The following FNDC3B variants were observed in gnomAD, a reference collection of about 807,000 sequenced individuals.
FNDC3B encodes the protein fibronectin type III domain-containing protein 3B.
Under a neutral mutation model 151.5 loss-of-function variants are expected in FNDC3B, and 12 were observed. That is an observed-to-expected ratio of 0.08 (90% CI 0.05 to 0.13). The LOEUF (loss-of-function observed/expected upper bound fraction) is 0.13, where lower values mean the gene tolerates loss of function less well. Among genes scored for constraint, FNDC3B ranks in the 10% least tolerant of loss-of-function variants. FNDC3B has a pLI of 1.00. For synonymous variants in FNDC3B, 528 were observed against 549.0 expected, an observed-to-expected ratio of 0.96 and a Z score of 0.54; for missense variants, 1,214 against 1,505.3, an observed-to-expected ratio of 0.81 and a Z score of 3.20.
intron 21 of FNDC3B, among the ~76,000 whole-genome samples, chr3:172,348,251 T>C (rs1733700070): frequency 6.6e-6 from 1 of 152,254 alleles, no homozygotes; most frequent in African/African-American, 2.4e-5. Flanking sequence ...TCAAATTCGT[T>C]ATTATAAGTA....
At chr3:172,321,580 GC>G in intron 11 of FNDC3B, 2 of 186,594 alleles carry the variant, frequency 1.1e-5, no homozygotes, top group South Asian at 1.2e-4. Flanking sequence ...TTGCTCTGTT[GC>G]CCAGGCTGGA....
chr3:172,040,483 C>G lies in FNDC3B; in HGVS notation c.-29+712C>G, dbSNP rs929623037. On this transcript the variant is annotated intron_variant, in intron 1 of 25. Coordinates refer to ENST00000415807, the MANE Select transcript of FNDC3B (RefSeq NM_022763.4). This position sits in a 1 kb window ranked among gnomAD's most constrained non-coding sequence, Gnocchi z 6.6. ...ACGCCACGTCCTCCTCCCCGTCCTG[C>G]CCCCCGGGCTCCCCCCGGGCTGGGG... 6 of 151,870 alleles carry G rather than the reference C, an allele frequency of 4.0e-5. No individual in the cohort carries two copies. Among genetic ancestry groups the G allele is most frequent in the Non-Finnish European group, 7.4e-5 (5 of 68,000 alleles). 9.4% of individuals were successfully genotyped at this position (151,870 alleles called of 1,614,324 possible).
chr3:172,129,253 A>AT (rs1720952666), intron 2 of FNDC3B, among the ~76,000 whole-genome samples: 1 of 152,190 alleles, frequency 6.6e-6, no homozygotes, highest in Admixed American at 6.5e-5. Flanking sequence ...AATTACAGGC[A>AT]TGAGCCTCTG....
chr3:172,288,850 T>TTA (rs1289568465), intron 7 of FNDC3B, among the ~76,000 whole-genome samples: 1 of 152,226 alleles, frequency 6.6e-6, no homozygotes, highest in Non-Finnish European at 1.5e-5. Flanking sequence ...CCACCCTGCA[T>TTA]GTCTGGTTCT....
At chr3:172,192,721 C>T (rs1354013265) in intron 3 of FNDC3B, among the ~76,000 whole-genome samples, 2 of 151,986 alleles carry the variant, frequency 1.3e-5, no homozygotes, top group Admixed American at 1.3e-4. Flanking sequence ...TCTCTAATTA[C>T]AGGGCATGAA....
intron 9 of FNDC3B, among the ~76,000 whole-genome samples, chr3:172,303,742 C>G (rs1483310759): frequency 6.6e-6 from 1 of 151,276 alleles, no homozygotes; most frequent in Non-Finnish European, 1.5e-5. Flanking sequence ...AAAAAAATTG[C>G]AGTATTCTTT....
At chr3:172,109,684 A>T (rs1386736226) in intron 1 of FNDC3B, among the ~76,000 whole-genome samples, 1 of 152,164 alleles carries the variant, frequency 6.6e-6, no homozygotes, top group Non-Finnish European at 1.5e-5. Context: ...GAGTGTTTGT[A>T]CATACAGCCT....
chr3:172,252,147 G>C (rs994999519), intron 6 of FNDC3B, among the ~76,000 whole-genome samples: 96 of 152,212 alleles, frequency 6.3e-4, no homozygotes, highest in Admixed American at 3.3e-4. Context: ...TGAATCTCTT[G>C]GGTAGATCAG....
At position 172,159,752 on chromosome 3, in the gene FNDC3B, C is replaced by T. The variant is rs866842860; in HGVS notation, c.187+26206C>T. On this transcript the variant is annotated intron_variant, in intron 3 of 25. Transcript: ENST00000415807. ...TTGATGATCAAAAAAGCCATATGAG[C>T]AAAAGGTTTTGAGAAAAAAGTTAGG... is the stretch of plus-strand genomic sequence containing the variant. Among the ~76,000 whole-genome samples the T allele has an allele frequency of 2.0e-5, 3 of 152,198 alleles. No individual in the cohort carries two copies. The South Asian group carries it at 6.2e-4, about 32-fold the overall frequency.
chr3:172,373,506 G>T (rs1734981564), intron 23 of FNDC3B, among the ~76,000 whole-genome samples: 1 of 152,154 alleles, frequency 6.6e-6, no homozygotes, highest in Non-Finnish European at 1.5e-5. Context: ...ATCCTTATCT[G>T]CATTTAAAAT....
intron 10 of FNDC3B, among the ~76,000 whole-genome samples, chr3:172,308,904 G>T (rs1051480060): frequency 4.6e-5 from 7 of 152,054 alleles, no homozygotes; most frequent in African/African-American, 1.4e-4. Context: ...ATTTTGTTTG[G>T]AAAATATAAG....
intron 11 of FNDC3B, among the ~76,000 whole-genome samples, chr3:172,318,116 C>T (rs1456451023): frequency 6.6e-6 from 1 of 152,226 alleles, no homozygotes; most frequent in Non-Finnish European, 1.5e-5. Context: ...AGGAAGTTCA[C>T]ATTTGGTTTC....
intron 3 of FNDC3B, among the ~76,000 whole-genome samples, chr3:172,179,281 C>G (rs900577241): frequency 5.3e-5 from 8 of 152,156 alleles, no homozygotes; most frequent in Admixed American, 3.3e-4. Context: ...AGGCTGGTCT[C>G]GAACTCCTGA....
At chr3:172,276,934 A>G (rs530763523) in intron 6 of FNDC3B, among the ~76,000 whole-genome samples, 1 of 152,352 alleles carries the variant, frequency 6.6e-6, no homozygotes, top group Admixed American at 6.5e-5. Context: ...GAGAAAAAAA[A>G]TTAAAGATGT....
chr3:172,392,202 G>C (rs1333277002), intron 25 of FNDC3B, among the ~76,000 whole-genome samples: 2 of 152,200 alleles, frequency 1.3e-5, no homozygotes, highest in African/African-American at 4.8e-5. Flanking sequence ...AGGACCGTAA[G>C]GGGTTTGCTT....
chr3:172,055,811 T>C (rs1189981873), intron 1 of FNDC3B, among the ~76,000 whole-genome samples: 5 of 151,772 alleles, frequency 3.3e-5, no homozygotes, highest in South Asian at 2.1e-4. Flanking sequence ...GACGGAGTCT[T>C]GTTCTGTCGC....
At chr3:172,229,084 AACACACACACACACACACAC>A (rs760446690) in intron 4 of FNDC3B, among the ~76,000 whole-genome samples, 197 of 117,856 alleles carry the variant, frequency 1.7e-3, no homozygotes, top group African/African-American at 3.2e-3. Context: ...GAAAGAAAGA[AACACACACACACACACACAC>A]ACACACACAC....
chr3:172,134,268 A>C, intron 3 of FNDC3B: 1 of 472,424 alleles, frequency 2.1e-6, no homozygotes, highest in Non-Finnish European at 4.3e-6. Flanking sequence ...TGTATAGTTC[A>C]CTTGGAAATA....
At chr3:172,185,409 G>A (rs1048491574) in intron 3 of FNDC3B, among the ~76,000 whole-genome samples, 5 of 152,074 alleles carry the variant, frequency 3.3e-5, no homozygotes, top group Admixed American at 2.6e-4. Flanking sequence ...GTGCATGGCC[G>A]CACCTCTGAA....
Sources: allele counts gnomAD v4.1 joint callset (sites outside exome capture counted in the v4.1 genomes callset), GRCh38; gene constraint gnomAD v4.1.1; non-coding constraint Gnocchi (gnomAD v3.1); transcripts MANE v1.5; gene names NCBI Gene and HGNC (gene_info 2026-07-23, HGNC 2026-07-21).